The following PDE11A variants were observed in gnomAD, a reference collection of about 807,000 sequenced individuals.
PDE11A encodes dual 3',5'-cyclic-AMP and -GMP phosphodiesterase 11A.
Under a neutral mutation model 100.5 loss-of-function variants are expected in PDE11A, and 100 were observed. The ratio of observed to expected loss-of-function variants is 1.00; its 90% CI spans 0.85 to 1.18. PDE11A has a LOEUF of 1.18. Among genes scored for constraint, PDE11A ranks in the 50% most tolerant of loss-of-function variants. The pLI is 0.00. For synonymous variants in PDE11A, 381 were observed against 420.8 expected (o/e 0.91, Z 1.16); for missense variants, 1,141 against 1,152.6 (o/e 0.99, Z 0.15).
At chr2:177,921,485 GA>G (rs1027122124) in intron 2 of PDE11A, among the ~76,000 whole-genome samples, 77 of 141,848 alleles carry the variant, frequency 5.4e-4, no homozygotes, top group African/African-American at 1.7e-3. Context: ...AAAAAAAAAA[GA>G]AAAAAAACAT....
chr2:178,058,325 CAT>C (rs1460028422), intron 1 of PDE11A, among the ~76,000 whole-genome samples: 1 of 152,222 alleles, frequency 6.6e-6, no homozygotes, highest in African/African-American at 2.4e-5. Context: ...ACAATTCCCA[CAT>C]GTTGTGGAAG....
chr2:177,962,502 A>C (rs2085647259), intron 2 of PDE11A, among the ~76,000 whole-genome samples: 1 of 152,152 alleles, frequency 6.6e-6, no homozygotes, highest in South Asian at 2.1e-4. Flanking sequence ...TAATAGTAAC[A>C]GTGTTAATCA....
At chr2:177,738,152 C>T (rs2081820923) in intron 10 of PDE11A, among the ~76,000 whole-genome samples, 1 of 151,910 alleles carries the variant, frequency 6.6e-6, no homozygotes, top group Non-Finnish European at 1.5e-5. Context: ...TTTTATACAT[C>T]AGTGGGGCAG....
intron 2 of PDE11A, among the ~76,000 whole-genome samples, chr2:177,945,010 CG>C (rs1209783468): frequency 6.7e-6 from 1 of 149,418 alleles, no homozygotes; most frequent in Non-Finnish European, 1.5e-5. Flanking sequence ...TTGGTGGAGA[CG>C]GGGTTTCGCT....
At chr2:177,835,529 G>A (rs1039625123) in intron 6 of PDE11A, among the ~76,000 whole-genome samples, 2 of 152,188 alleles carry the variant, frequency 1.3e-5, no homozygotes, top group African/African-American at 2.4e-5. Flanking sequence ...GGCAGCCCTC[G>A]CTTGCTCTTG....
At chr2:177,876,277 C>G (rs2084239811) in intron 4 of PDE11A, among the ~76,000 whole-genome samples, 1 of 151,128 alleles carries the variant, frequency 6.6e-6, no homozygotes, top group Non-Finnish European at 1.5e-5. Flanking sequence ...ATAAGAGACC[C>G]AGGTAGGGAC....
rs773877307 is a variant in PDE11A, at chr2:177,794,988, T to TA, written c.1737+21840_1737+21841insT. Among the ~76,000 whole-genome samples, 8 of 152,286 alleles carry TA rather than the reference T, an allele frequency of 5.3e-5. No individual in the cohort carries two copies. In the South Asian group the frequency reaches 1.0e-3, roughly 20 times the overall value. On this transcript the variant is annotated intron_variant, in intron 9 of 19. Transcript: ENST00000286063. Reference sequence around the variant, plus strand: ...TTTTAGTAGAGATGAGGTTTCACTATGTTGACCAGGCTGGTCTTGAACTCC... The same window carrying TA: ...TTTTAGTAGAGATGAGGTTTCACTATAGTTGACCAGGCTGGTCTTGAACTCC...
chr2:177,925,435 G>A (rs1280736551), intron 2 of PDE11A, among the ~76,000 whole-genome samples: 2 of 151,906 alleles, frequency 1.3e-5, no homozygotes, highest in African/African-American at 2.4e-5. Flanking sequence ...ACTGGTGTGA[G>A]ATGGTATCTC....
chr2:177,652,980 A>G (rs2080332107), intron 19 of PDE11A, among the ~76,000 whole-genome samples: 1 of 152,200 alleles, frequency 6.6e-6, no homozygotes, highest in African/African-American at 2.4e-5. Flanking sequence ...ACTGAAAGAC[A>G]AAAGACCTAT....
chr2:177,830,421 G>A (rs2083291013), intron 6 of PDE11A, among the ~76,000 whole-genome samples: 1 of 151,966 alleles, frequency 6.6e-6, no homozygotes, highest in Non-Finnish European at 1.5e-5. Context: ...CCAACATGGT[G>A]AAACCCTGTC....
chr2:178,022,383 G>A (rs1300004627), intron 1 of PDE11A, among the ~76,000 whole-genome samples: 1 of 152,190 alleles, frequency 6.6e-6, no homozygotes, highest in African/African-American at 2.4e-5. Flanking sequence ...GAGTTTCGTT[G>A]TGGACATTTC....
intron 6 of PDE11A, among the ~76,000 whole-genome samples, chr2:177,830,325 C>T (rs1055746972): frequency 9.9e-5 from 15 of 152,218 alleles, no homozygotes; most frequent in African/African-American, 3.4e-4. Context: ...TTTGGCTGGG[C>T]GCGGTAGCTC....
At chr2:177,929,217 C>T (rs2085173897) in intron 2 of PDE11A, among the ~76,000 whole-genome samples, 1 of 152,126 alleles carries the variant, frequency 6.6e-6, no homozygotes, top group South Asian at 2.1e-4. Flanking sequence ...CAGCAGTGTG[C>T]ACCAGCCCAC....
chr2:177,720,300 T>C (rs920862006), intron 12 of PDE11A, among the ~76,000 whole-genome samples: 4 of 152,150 alleles, frequency 2.6e-5, no homozygotes, highest in Admixed American at 1.3e-4. Context: ...CTAGGAGTGC[T>C]TATGAGTATT....
intron 19 of PDE11A, among the ~76,000 whole-genome samples, chr2:177,637,818 G>T (rs146849211): frequency 6.6e-6 from 1 of 150,390 alleles, no homozygotes; most frequent in East Asian, 2.0e-4. Flanking sequence ...TATCATTTTG[G>T]ATAGTTTCTG....
chr2:177,763,932 G>A (rs1392197957), intron 10 of PDE11A, among the ~76,000 whole-genome samples: 1 of 152,192 alleles, frequency 6.6e-6, no homozygotes, highest in East Asian at 1.9e-4. Context: ...CCCTGCACCC[G>A]CCTGCTGTGC....
rs142067339 is a variant in PDE11A at position 177,826,825 on chromosome 2, A to G, written c.1501-6530T>C. ...ACTGTAATTCTTACGTTCACTGTCC[A>G]ATCTACCCTTCTTCTCAGGAAAGGT... On this transcript the variant is annotated intron_variant, in intron 6 of 19. Coordinates refer to ENST00000286063, the MANE Select transcript of PDE11A (RefSeq NM_016953.4). 7.2e-3 allele frequency among the ~76,000 whole-genome samples: 1,098 copies of G among 152,320 alleles called. 9 individuals carry two copies. The highest frequency in any genetic ancestry group is 0.025 in the African/African-American group (1,042 of 41,558).
intron 1 of PDE11A, among the ~76,000 whole-genome samples, chr2:178,062,020 T>C (rs969962889): frequency 6.6e-6 from 1 of 152,200 alleles, no homozygotes; most frequent in Non-Finnish European, 1.5e-5. Context: ...TTAAAACTCC[T>C]TTCTATCTAT....
At chr2:177,705,515 G>C (rs927499111) in intron 13 of PDE11A, among the ~76,000 whole-genome samples, 3 of 152,188 alleles carry the variant, frequency 2.0e-5, no homozygotes, top group African/African-American at 7.2e-5. Flanking sequence ...TGGATAGGCA[G>C]CTCAATGAGG....
Sources: allele counts gnomAD v4.1 joint callset (sites outside exome capture counted in the v4.1 genomes callset), GRCh38; gene constraint gnomAD v4.1.1; transcripts MANE v1.5; gene names NCBI Gene and HGNC (gene_info 2026-07-23, HGNC 2026-07-21).